Variants in TRPM5 observed in about 807,000 individuals in gnomAD.
The protein encoded by TRPM5 is transient receptor potential cation channel subfamily M member 5.
In TRPM5, 121 loss-of-function variants were observed where a neutral mutation model predicts 124.9. The observed-to-expected ratio is 0.97, with a 90% CI of 0.84 to 1.13. The LOEUF (loss-of-function observed/expected upper bound fraction) is 1.13. Ranked by LOEUF, TRPM5 falls within the 50% of genes most tolerant of loss-of-function variation. The pLI, the probability that TRPM5 is intolerant of heterozygous loss-of-function variation, is 0.00. For missense variants in TRPM5, 1,643 were observed against 1,589.1 expected, an observed-to-expected ratio of 1.03 and a Z score of -0.58; for synonymous variants, 781 against 700.5, an observed-to-expected ratio of 1.11 and a Z score of -1.81.
chr11:2,408,546 A>G (rs1268509724), intron 18 of TRPM5, among the ~76,000 whole-genome samples: 1 of 152,236 alleles, frequency 6.6e-6, no homozygotes, highest in Non-Finnish European at 1.5e-5. Flanking sequence ...TTCAGGCGGC[A>G]CACTCTGGGA....
exon 6 of TRPM5, chr11:2,418,357 C>A (rs950797252): frequency 4.5e-6 from 7 of 1,548,068 alleles, no homozygotes; most frequent in Non-Finnish European, 6.1e-6. Context: ...CCTGGAGATC[C>A]TCTGAGACGG....
At chr11:2,417,608 C>A in intron 7 of TRPM5, 119 bp downstream of exon 12, 1 of 724,588 alleles carries the variant, frequency 1.4e-6, no homozygotes. Flanking sequence ...TGTCATCTTT[C>A]CTGGGAAGGG....
intron 16 of TRPM5, 132 bp downstream of exon 21, chr11:2,412,003 G>A: frequency 1.1e-6 from 1 of 935,772 alleles, no homozygotes. Context: ...CCTGGCTCAA[G>A]TGACCCACCC....
chr11:2,440,183 T>C, the TRPM5 span, among the ~76,000 whole-genome samples: 2 of 152,152 alleles, frequency 1.3e-5, no homozygotes, highest in East Asian at 3.9e-4. The surrounding 1 kb of genome is among the most constrained non-coding windows in gnomAD (Gnocchi z 5.2). Flanking sequence ...TGGGGACTGG[T>C]AGATGGTGGG....
At chr11:2,435,698 T>TATCC in the TRPM5 span, among the ~76,000 whole-genome samples, 260 of 151,162 alleles carry the variant, frequency 1.7e-3, 1 homozygote, top group African/African-American at 6.1e-3. This position sits in a 1 kb window ranked among gnomAD's most constrained non-coding sequence, Gnocchi z 4.1. Context: ...TCTGTCCATC[T>TATCC]ATCCATCCAT....
chr11:2,413,015 G>C lies in TRPM5; in HGVS notation c.2097-3C>G, dbSNP rs1415757170. ...GCGCCTCCACCAGCTCCTCCACCCT[G>C]TGCCGCAGAGAAGTTCGCAGTGGTG... On this transcript the variant is annotated splice_polypyrimidine_tract_variant and splice_region_variant and intron_variant, in intron 14 of 23. Transcript: ENST00000155858. 2 of 1,600,460 alleles carry C rather than the reference G, an allele frequency of 1.2e-6. No homozygotes were observed. The highest frequency in any genetic ancestry group is 1.7e-6 in the Non-Finnish European group (2 of 1,174,842).
intron 15 of TRPM5, among the ~76,000 whole-genome samples, 182 bp from the exon 21 acceptor site, chr11:2,412,435 TCAGTCTCCACTTGGGGC>T (rs534622265): frequency 1.3e-5 from 2 of 152,010 alleles, no homozygotes; most frequent in African/African-American, 4.8e-5. Context: ...GAAGGTGAGG[TCAGTCTCCACTTGGGGC>T]CAGGGCCTCT....
intron 7 of TRPM5, among the ~76,000 whole-genome samples, chr11:2,417,399 G>A (rs1431083013): frequency 6.6e-6 from 1 of 152,214 alleles, no homozygotes; most frequent in Non-Finnish European, 1.5e-5. Flanking sequence ...AGCTTGCAGT[G>A]AGCCGAGATC....
At chr11:2,435,732 T>C in the TRPM5 span, among the ~76,000 whole-genome samples, 1 of 151,544 alleles carries the variant, frequency 6.6e-6, no homozygotes, top group African/African-American at 2.4e-5. This position sits in a 1 kb window ranked among gnomAD's most constrained non-coding sequence, Gnocchi z 4.1. Flanking sequence ...TGTGTATCCA[T>C]GTATCAAACT....
At chr11:2,414,964 C>T (rs1354125092) in exon 10 of TRPM5, 1 of 1,607,594 alleles carries the variant, frequency 6.2e-7, no homozygotes, top group Admixed American at 1.7e-5. Flanking sequence ...CCCACAGGAA[C>T]AGGTCCCGCC....
At chr11:2,421,502 C>T (rs1054655785) in intron 2 of TRPM5, among the ~76,000 whole-genome samples, 7 of 152,244 alleles carry the variant, frequency 4.6e-5, no homozygotes, top group Non-Finnish European at 1.0e-4. Flanking sequence ...ACATCCGACA[C>T]AACTCTGTCC....
rs546547789 is a variant in TRPM5, at chr11:2,409,683, A to G, written c.2782+1669T>C. On this transcript the variant is annotated intron_variant, in intron 18 of 23. Transcript: ENST00000155858. ...GGGTCACAGTGAGTGGCTGGGGTTC[A>G]ACCTGAAGGGCCCAGATACTTGCTC... Among the ~76,000 whole-genome samples the G allele has an allele frequency of 6.6e-5, 10 of 152,274 alleles. No homozygotes were observed. In the South Asian group the frequency reaches 2.1e-3, roughly 32 times the overall value.
the TRPM5 span, among the ~76,000 whole-genome samples, chr11:2,442,557 ATG>A: frequency 1.1e-3 from 165 of 152,344 alleles, no homozygotes; most frequent in African/African-American, 3.9e-3. This position sits in a 1 kb window ranked among gnomAD's most constrained non-coding sequence, Gnocchi z 5.9. Context: ...AATATAAAAA[ATG>A]CTGTTTTGAC....
Position 2,417,847 on chromosome 11 carries a change from GC to G in TRPM5, c.907-19del, listed in dbSNP as rs1298555480. ...TTCTGCAGCTGGGCACCAGAACAGA[GC>G]CCCCATGGGGCCGCCTCAGCCAGGA... On this transcript the variant is annotated intron_variant, in intron 6 of 23. Coordinates refer to ENST00000155858, the Ensembl canonical transcript of TRPM5. The G allele has an allele frequency of 1.3e-6, 2 of 1,560,694 alleles. No individual in the cohort carries two copies. The highest frequency in any genetic ancestry group is 1.9e-5 in the Admixed American group (1 of 52,902).
chr11:2,423,416 A>T (rs537274743), upstream of TRPM5, among the ~76,000 whole-genome samples: 55 of 152,292 alleles, frequency 3.6e-4, no homozygotes, highest in African/African-American at 1.2e-3. Flanking sequence ...ATGACCTGGA[A>T]ACTCCGAAAG....
upstream of TRPM5, among the ~76,000 whole-genome samples, chr11:2,428,015 G>T (rs1303097618): frequency 6.6e-6 from 1 of 152,174 alleles, no homozygotes; most frequent in Non-Finnish European, 1.5e-5. The surrounding 1 kb of genome is among the most constrained non-coding windows in gnomAD (Gnocchi z 4.0). Context: ...TCAGCACCAG[G>T]GATGCTCTGT....
intron 12 of TRPM5, 52 bp downstream of exon 17, chr11:2,414,009 G>GGGGGGGCCCCCCCC: frequency 7.6e-5 from 78 of 1,023,598 alleles, no homozygotes; most frequent in Non-Finnish European, 8.9e-5. Flanking sequence ...GGCCCAGCTC[G>GGGGGGGCCCCCCCC]CCCGCCCACC....
the TRPM5 span, among the ~76,000 whole-genome samples, chr11:2,443,816 G>GCCCCCCCCCCCCCCCCCCCC: frequency 6.9e-6 from 1 of 144,574 alleles, no homozygotes; most frequent in Non-Finnish European, 1.5e-5. This position sits in a 1 kb window ranked among gnomAD's most constrained non-coding sequence, Gnocchi z 5.0. Flanking sequence ...TCTGTTGGCT[G>GCCCCCCCCCCCCCCCCCCCC]CCCCCCACCC....
chr11:2,422,303 C>T lies in TRPM5; in HGVS notation c.136G>A (p.Gly46Arg), dbSNP rs753622672. 33 of 1,611,128 alleles carry T rather than the reference C, an allele frequency of 2.0e-5. No homozygotes were observed. The highest frequency in any genetic ancestry group is 8.9e-5 in the East Asian group (4 of 44,824). The change falls in exon 2 of 24, where the codon GGA becomes AGA. Residue 46 changes from glycine (G) to arginine (R), a missense_variant. By Grantham distance (125) the Gly-to-Arg change is moderately radical. Transcript: ENST00000155858. Reference sequence around the variant, plus strand: ...TCAAAGAGCACAGACGGGGCCACTCCGCTCGGCACCCGTACAAACTGCAAG... The same window carrying T: ...TCAAAGAGCACAGACGGGGCCACTCTGCTCGGCACCCGTACAAACTGCAAG...
Sources: gnomAD v4.1 joint callset for allele counts (sites outside exome capture counted in the v4.1 genomes callset) on GRCh38, gnomAD v4.1.1 for gene constraint, Gnocchi (gnomAD v3.1) non-coding constraint, MANE v1.5 for transcripts, NCBI Gene and HGNC (gene_info 2026-07-23, HGNC 2026-07-21) for gene names.